CECR2: variants seen among roughly 807,000 people sequenced by gnomAD.
The protein encoded by CECR2 is CECR2 histone acetyl-lysine reader, also known as chromatin remodeling regulator CECR2.
CECR2 carries 30 observed loss-of-function variants against 154.5 expected under a neutral mutation model. The ratio of observed to expected loss-of-function variants is 0.19; its 90% confidence interval spans 0.15 to 0.26. The LOEUF is 0.26. Ranked by LOEUF, CECR2 falls within the 10% of genes least tolerant of loss-of-function variation. CECR2 has a pLI of 1.00. For synonymous variants in CECR2, 725 were observed against 683.7 expected, an observed-to-expected ratio of 1.06 and a Z score of -0.94; for missense variants, 1,743 against 1,829.3, an observed-to-expected ratio of 0.95 and a Z score of 0.86.
At chr22:17,378,247 T>C (rs1024951121) in intron 1 of CECR2, among the ~76,000 whole-genome samples, 2 of 150,958 alleles carry the variant, frequency 1.3e-5, no homozygotes, top group Admixed American at 1.3e-4. Flanking sequence ...CCTCCCAAAG[T>C]GCTGGGATTA....
intron 1 of CECR2, among the ~76,000 whole-genome samples, chr22:17,410,489 C>T (rs2054052320): frequency 6.6e-6 from 1 of 151,882 alleles, no homozygotes; most frequent in Non-Finnish European, 1.5e-5. Context: ...TCTCTGTCGC[C>T]CAGGCTGGAG....
At chr22:17,365,101 G>A (rs1389166343), upstream of CECR2, among the ~76,000 whole-genome samples, 2 of 151,926 alleles carry the variant, frequency 1.3e-5, no homozygotes, top group Admixed American at 6.6e-5. Flanking sequence ...GTGCGTGCCT[G>A]TAAACCTAGC....
intron 1 of CECR2, among the ~76,000 whole-genome samples, chr22:17,411,388 CGA>C: frequency 6.6e-6 from 1 of 152,314 alleles, no homozygotes; most frequent in South Asian, 2.1e-4. Context: ...CACTTTGGAA[CGA>C]GTCCATCAGT....
intron 1 of CECR2, among the ~76,000 whole-genome samples, chr22:17,466,599 T>C (rs73379456): frequency 2.3e-4 from 24 of 103,818 alleles, no homozygotes; most frequent in Middle Eastern, 5.7e-3. Flanking sequence ...AAACCTTGCC[T>C]TTTTTTTTTT....
intron 1 of CECR2, among the ~76,000 whole-genome samples, chr22:17,439,164 C>T (rs540025069): frequency 2.1e-4 from 31 of 148,620 alleles, no homozygotes; most frequent in African/African-American, 7.7e-4. Flanking sequence ...AGAAGAAACA[C>T]TCCCTTTTTT....
chr22:17,552,356 A>G lies in CECR2; in HGVS notation c.4389+214A>G, dbSNP rs564749562. Among the ~76,000 whole-genome samples, 14 of 152,302 alleles carry G rather than the reference A, an allele frequency of 9.2e-5. No homozygotes were observed. In the South Asian group the frequency reaches 1.0e-3, roughly 11 times the overall value. On this transcript the variant is annotated intron_variant, in intron 18 of 18. Coordinates refer to ENST00000262608, the MANE Select transcript of CECR2 (RefSeq NM_001290047.2). ...TTTTTCTTATTGTGATATGGAATGC[A>G]TACCTATTTGGTGAGTATTTAAACC...
chr22:17,515,854 T>C (rs1425848297), intron 8 of CECR2, among the ~76,000 whole-genome samples: 1 of 151,468 alleles, frequency 6.6e-6, no homozygotes, highest in Non-Finnish European at 1.5e-5. Flanking sequence ...TCTCTGTATT[T>C]TTAGTAGAAA....
intron 1 of CECR2, among the ~76,000 whole-genome samples, chr22:17,406,097 T>G (rs374212748): frequency 1.3e-5 from 2 of 152,376 alleles, no homozygotes; most frequent in East Asian, 3.9e-4. Flanking sequence ...TTTCTATTAA[T>G]GATATCTAAT....
chr22:17,415,137 A>G (rs1464070219), intron 1 of CECR2, among the ~76,000 whole-genome samples: 2 of 152,220 alleles, frequency 1.3e-5, no homozygotes, highest in Non-Finnish European at 1.5e-5. Flanking sequence ...ATGAGTGAAT[A>G]TGAACCTTAC....
At chr22:17,518,914 A>T (rs2056107986) in intron 8 of CECR2, 1 of 236,276 alleles carries the variant, frequency 4.2e-6, no homozygotes, top group Non-Finnish European at 8.5e-6. Flanking sequence ...AGAGATGTCC[A>T]TGGGGGAATG....
intron 1 of CECR2, among the ~76,000 whole-genome samples, chr22:17,407,671 A>G (rs897497774): frequency 7.2e-5 from 11 of 151,956 alleles, no homozygotes; most frequent in African/African-American, 2.7e-4. Flanking sequence ...AAATTAAGAT[A>G]GGAGAAGTTA....
intron 1 of CECR2, among the ~76,000 whole-genome samples, chr22:17,465,996 A>AC (rs1480158128): frequency 1.3e-5 from 2 of 150,716 alleles, no homozygotes; most frequent in Non-Finnish European, 2.9e-5. Flanking sequence ...TAAAGTAACT[A>AC]CCCCCCGCTC....
intron 2 of CECR2, among the ~76,000 whole-genome samples, chr22:17,488,357 T>A (rs1162009959): frequency 1.3e-4 from 20 of 152,204 alleles, no homozygotes; most frequent in Non-Finnish European, 2.9e-5. Flanking sequence ...CATAGGCCAG[T>A]GTTTTGTAAC....
intron 1 of CECR2, among the ~76,000 whole-genome samples, chr22:17,416,704 G>T (rs1417952411): frequency 6.6e-6 from 1 of 152,106 alleles, no homozygotes; most frequent in Admixed American, 6.6e-5. Context: ...GTTTCATGAT[G>T]TTGGCCGAGC....
At chr22:17,505,873 C>T (rs572353886) in intron 7 of CECR2, among the ~76,000 whole-genome samples, 54 of 127,150 alleles carry the variant, frequency 4.2e-4, no homozygotes, top group African/African-American at 1.6e-3. Flanking sequence ...GACAAGCTCT[C>T]TCACTTTGTC....
At chr22:17,525,285 CCAAAAAAAAAAAAAAAA>C (rs1203895069) in intron 9 of CECR2, among the ~76,000 whole-genome samples, 7 of 32,322 alleles carry the variant, frequency 2.2e-4, no homozygotes, top group African/African-American at 7.3e-4. Flanking sequence ...AACTCCATCT[CCAAAAAAAAAAAAAAAA>C]AAAAAAAAAA....
In CECR2 at chr22:17,428,798, TTGTG is replaced by T. The variant is rs60474818; in HGVS notation, c.127-48764_127-48761del. ...CAGATGAGAAAAATAATGTTTTTAT[TTGTG>T]TGTGTGTGTGTGTGTGTGTGTGTGT... On this transcript the variant is annotated intron_variant, in intron 1 of 18. Coordinates refer to ENST00000262608, the MANE Select transcript of CECR2 (RefSeq NM_001290047.2). 5.9e-3 allele frequency among the ~76,000 whole-genome samples: 804 copies of T among 136,422 alleles called. 3 individuals are homozygous for T. Among genetic ancestry groups the T allele is most frequent in the East Asian group, 9.1e-3 (43 of 4,732 alleles). The allele number at this position is 136,422 out of a possible 152,430, so 89.5% of individuals were successfully genotyped here.
chr22:17,500,524 A>T, intron 4 of CECR2, 107 bp from the exon 5 acceptor site: 1 of 786,788 alleles, frequency 1.3e-6, no homozygotes, highest in Non-Finnish European at 2.0e-6. Context: ...TTTCACTGCT[A>T]CATTTAATCC....
At position 17,477,192 on chromosome 22, in the gene CECR2, T is replaced by A. The variant is rs2055222560; in HGVS notation, c.127-396T>A. On this transcript the variant is annotated intron_variant, in intron 1 of 18. Transcript: ENST00000262608. ...AAATGACAAATGTTTCATAAACAAT[T>A]ACATGAGCACTCCTTTCCTCTCTTT... The A allele has an allele frequency of 4.2e-6, 3 of 715,246 alleles. No homozygotes were observed. The African/African-American group carries it at 5.2e-5, about 12-fold the overall frequency. 44.3% of individuals were successfully genotyped at this position (715,246 alleles called of 1,614,324 possible).
Sources: allele counts gnomAD v4.1 joint callset (sites outside exome capture counted in the v4.1 genomes callset), GRCh38; gene constraint gnomAD v4.1.1; transcripts MANE v1.5; gene names NCBI Gene and HGNC (gene_info 2026-07-23, HGNC 2026-07-21).